AKAP19: variants seen among roughly 807,000 people sequenced by gnomAD.
The protein encoded by AKAP19 is small A-kinase anchoring protein.
the AKAP19 span, among the ~76,000 whole-genome samples, chr2:190,053,567 GT>G: frequency 2.6e-5 from 4 of 152,026 alleles, no homozygotes; most frequent in African/African-American, 7.2e-5. Context: ...GCTTTGATAC[GT>G]TTTGCAGTGT....
the AKAP19 span, among the ~76,000 whole-genome samples, chr2:190,110,680 A>G: frequency 6.6e-6 from 1 of 152,210 alleles, no homozygotes; most frequent in Non-Finnish European, 1.5e-5. Flanking sequence ...TAACATCACT[A>G]TTTATTATCA....
chr2:189,932,194 G>A, the AKAP19 span, among the ~76,000 whole-genome samples: 6 of 152,200 alleles, frequency 3.9e-5, no homozygotes, highest in South Asian at 1.2e-3. Context: ...TAAAAAGTGA[G>A]GTCAGGAGTT....
chr2:190,047,483 G>A, the AKAP19 span, among the ~76,000 whole-genome samples: 7 of 152,134 alleles, frequency 4.6e-5, no homozygotes, highest in African/African-American at 1.4e-4. Flanking sequence ...AGTGTCAACT[G>A]GGTACTATTT....
chr2:190,004,131 G>A, the AKAP19 span, among the ~76,000 whole-genome samples: 1 of 148,916 alleles, frequency 6.7e-6, no homozygotes, highest in African/African-American at 2.5e-5. Flanking sequence ...TTCTTAGAAT[G>A]GGGAGGGGGG....
the AKAP19 span, chr2:190,189,864 T>C: frequency 6.6e-5 from 10 of 152,252 alleles, no homozygotes; most frequent in African/African-American, 2.4e-4. Flanking sequence ...GCTTTTGCTC[T>C]TCGGTAGGCC....
chr2:190,181,280 C>G, the AKAP19 span: 7 of 402,742 alleles, frequency 1.7e-5, no homozygotes, highest in Non-Finnish European at 2.4e-5. Flanking sequence ...CCTCACATCT[C>G]CGTCCCCTAA....
chr2:189,895,873 C>T, the AKAP19 span, among the ~76,000 whole-genome samples: 3 of 151,778 alleles, frequency 2.0e-5, no homozygotes, highest in East Asian at 3.9e-4. Context: ...TACCCAGTCA[C>T]GGTGGTACAT....
chr2:189,970,818 T>C, the AKAP19 span, among the ~76,000 whole-genome samples: 1 of 152,218 alleles, frequency 6.6e-6, no homozygotes, highest in Non-Finnish European at 1.5e-5. Context: ...AAAGTTTATT[T>C]CTATACATCC....
At chr2:190,130,113 C>G in the AKAP19 span, among the ~76,000 whole-genome samples, 2 of 152,134 alleles carry the variant, frequency 1.3e-5, no homozygotes, top group Non-Finnish European at 2.9e-5. Flanking sequence ...CTAAGTGACC[C>G]TATCACAGAT....
the AKAP19 span, among the ~76,000 whole-genome samples, chr2:189,931,566 A>G: frequency 1.2e-4 from 19 of 152,004 alleles, no homozygotes; most frequent in African/African-American, 4.6e-4. Flanking sequence ...GGGTCTCGCT[A>G]TGTTCCCCAG....
the AKAP19 span, chr2:189,923,809 T>A: frequency 6.2e-7 from 1 of 1,611,648 alleles, no homozygotes; most frequent in Admixed American, 1.7e-5. Flanking sequence ...GGGGCATAAG[T>A]GGCTTCAATT....
chr2:190,013,573 C>T, the AKAP19 span, among the ~76,000 whole-genome samples: 5,120 of 151,728 alleles, frequency 0.034, 276 homozygotes, highest in African/African-American at 0.11. Context: ...TGGAGTGCAG[C>T]GGCGTGATCT....
chr2:190,184,965 A>C, the AKAP19 span, among the ~76,000 whole-genome samples: 1 of 152,234 alleles, frequency 6.6e-6, no homozygotes, highest in Non-Finnish European at 1.5e-5. Flanking sequence ...TCTTTAGGTA[A>C]AGATGTGGAG....
the AKAP19 span, among the ~76,000 whole-genome samples, chr2:189,928,187 A>G: frequency 2.0e-5 from 3 of 152,168 alleles, no homozygotes; most frequent in South Asian, 2.1e-4. Flanking sequence ...CCTTCAGATT[A>G]GTATCAGATA....
the AKAP19 span, among the ~76,000 whole-genome samples, chr2:189,958,780 C>T: frequency 2.6e-5 from 4 of 151,954 alleles, no homozygotes; most frequent in Admixed American, 2.6e-4. Flanking sequence ...CAATAAAATG[C>T]ATGAATTACA....
chr2:190,021,747 A>G, the AKAP19 span, among the ~76,000 whole-genome samples: 1 of 152,188 alleles, frequency 6.6e-6, no homozygotes, highest in Non-Finnish European at 1.5e-5. Context: ...ACTCTGTCAG[A>G]TCTGCATGAT....
the AKAP19 span, chr2:189,917,389 G>T: frequency 1.1e-6 from 1 of 933,746 alleles, no homozygotes; most frequent in Non-Finnish European, 1.7e-6. Flanking sequence ...ATTTCCTCAT[G>T]CCAGATCTCA....
At chr2:190,098,110 A>G in the AKAP19 span, among the ~76,000 whole-genome samples, 6 of 152,102 alleles carry the variant, frequency 3.9e-5, no homozygotes, top group Non-Finnish European at 5.9e-5. Context: ...ATCTCCTCCC[A>G]TGAATTATAA....
At chr2:189,922,104 A>G in the AKAP19 span, among the ~76,000 whole-genome samples, 1 of 152,186 alleles carries the variant, frequency 6.6e-6, no homozygotes, top group Non-Finnish European at 1.5e-5. Context: ...AGAGGGAACA[A>G]TGAAATTGGC....
Sources: gnomAD v4.1 joint callset for allele counts (sites outside exome capture counted in the v4.1 genomes callset) on GRCh38, gnomAD v4.1.1 for gene constraint, MANE v1.5 for transcripts, NCBI Gene and HGNC (gene_info 2026-07-23, HGNC 2026-07-21) for gene names.